Variants in TUSC3 observed in about 807,000 individuals in gnomAD.
TUSC3 encodes the protein dolichyl-diphosphooligosaccharide--protein glycosyltransferase subunit TUSC3.
TUSC3 carries 45 observed loss-of-function variants against 44.8 expected under a neutral mutation model. That is an observed-to-expected ratio of 1.00 (90% CI 0.79 to 1.29). TUSC3 has a LOEUF of 1.29. TUSC3 is among the 50% of genes most tolerant of loss of function. The pLI is 0.00. For missense variants in TUSC3, 519 were observed against 437.9 expected, an observed-to-expected ratio of 1.19 and a Z score of -1.65; for synonymous variants, 212 against 152.9, an observed-to-expected ratio of 1.39 and a Z score of -2.85.
chr8:15,592,177 G>A (rs112657577), intron 1 of TUSC3, among the ~76,000 whole-genome samples: 42 of 152,252 alleles, frequency 2.8e-4, no homozygotes, highest in Admixed American at 7.2e-4. Context: ...AGTAAAATGC[G>A]AAAAAGTGGA....
chr8:15,747,735 A>G (rs1585298264), intron 8 of TUSC3, among the ~76,000 whole-genome samples: 1 of 152,080 alleles, frequency 6.6e-6, no homozygotes, highest in Non-Finnish European at 1.5e-5. Flanking sequence ...CGACTATAAC[A>G]TATGTCCTCA....
chr8:15,712,970 C>T (rs1013501478), intron 6 of TUSC3, among the ~76,000 whole-genome samples: 10 of 152,074 alleles, frequency 6.6e-5, no homozygotes, highest in African/African-American at 2.4e-4. Flanking sequence ...CAGTTATTTC[C>T]ATGCTGTTAA....
At chr8:15,807,553 A>C in the TUSC3 span, among the ~76,000 whole-genome samples, 1 of 152,156 alleles carries the variant, frequency 6.6e-6, no homozygotes, top group Non-Finnish European at 1.5e-5. Context: ...TCGTTCTCCC[A>C]AAAAGACATA....
intron 1 of TUSC3, among the ~76,000 whole-genome samples, chr8:15,577,481 GT>G (rs1430672458): frequency 2.6e-5 from 4 of 151,136 alleles, no homozygotes. Flanking sequence ...ATCTTGAATT[GT>G]TTTTTGTATA....
the TUSC3 span, among the ~76,000 whole-genome samples, chr8:15,849,010 A>G: frequency 6.6e-6 from 1 of 152,130 alleles, no homozygotes. Context: ...TATCCCTCAC[A>G]TGCCCAGAAT....
intron 1 of TUSC3, among the ~76,000 whole-genome samples, chr8:15,439,221 G>C (rs73665409): frequency 0.068 from 10,381 of 152,268 alleles, 357 homozygotes; most frequent in East Asian, 0.15. Flanking sequence ...AGGAAACCCA[G>C]TGATGCAGTC....
chr8:15,640,544 T>G (rs1279329592), intron 2 of TUSC3, among the ~76,000 whole-genome samples: 1 of 152,216 alleles, frequency 6.6e-6, no homozygotes, highest in African/African-American at 2.4e-5. Context: ...TTAATATTCA[T>G]TTTAGTTTTT....
chr8:15,668,474 A>C (rs1354944103), intron 5 of TUSC3, among the ~76,000 whole-genome samples: 1 of 151,780 alleles, frequency 6.6e-6, no homozygotes, highest in Non-Finnish European at 1.5e-5. Context: ...AACCATGTGG[A>C]GATACAAAGA....
intron 1 of TUSC3, among the ~76,000 whole-genome samples, chr8:15,575,152 G>T (rs549328598): frequency 7.7e-6 from 1 of 130,156 alleles, no homozygotes; most frequent in East Asian, 2.1e-4. Flanking sequence ...ATAATTTTGC[G>T]ATAGATGTAT....
intron 2 of TUSC3, among the ~76,000 whole-genome samples, chr8:15,508,856 G>A (rs1422897066): frequency 6.6e-6 from 1 of 152,222 alleles, no homozygotes; most frequent in African/African-American, 2.4e-5. Flanking sequence ...TACTCACTCT[G>A]TCAACAGCTT....
chr8:15,442,477 T>G (rs1185965940), intron 1 of TUSC3, among the ~76,000 whole-genome samples: 2 of 152,162 alleles, frequency 1.3e-5, no homozygotes, highest in Non-Finnish European at 2.9e-5. Flanking sequence ...TAATAAAGTT[T>G]TATTTAAAAA....
chr8:15,743,314 CCT>C, intron 7 of TUSC3: 1 of 541,574 alleles, frequency 1.8e-6, no homozygotes, highest in Non-Finnish European at 3.3e-6. Flanking sequence ...TTGGAATTAG[CCT>C]CTCAATATAT....
chr8:15,508,457 CTTTTTTTTTTTT>C (rs1200727081), intron 2 of TUSC3, among the ~76,000 whole-genome samples: 1 of 79,584 alleles, frequency 1.3e-5, no homozygotes, highest in Non-Finnish European at 2.2e-5. Flanking sequence ...TCGAAGCTTC[CTTTTTTTTTTTT>C]TTTTTTTTTT....
At chr8:15,799,268 C>A in the TUSC3 span, among the ~76,000 whole-genome samples, 1 of 152,142 alleles carries the variant, frequency 6.6e-6, no homozygotes, top group Non-Finnish European at 1.5e-5. Context: ...AGGGAACCAG[C>A]CAGCGCTCTA....
chr8:15,570,954 G>GTTTTTTTTTTTTTTTTTT (rs549277334), intron 1 of TUSC3, among the ~76,000 whole-genome samples: 1,489 of 44,406 alleles, frequency 0.034, 482 homozygotes, highest in East Asian at 0.059. Context: ...TTGCCTATTA[G>GTTTTTTTTTTTTTTTTTT]TTTTTTTTTT....
chr8:15,518,645 C>T (rs1417670148), intron 2 of TUSC3, among the ~76,000 whole-genome samples: 1 of 152,008 alleles, frequency 6.6e-6, no homozygotes. Context: ...TGCATATTTG[C>T]AGGAATGCCT....
At chr8:15,582,017 C>A (rs372510191) in intron 1 of TUSC3, among the ~76,000 whole-genome samples, 3 of 151,986 alleles carry the variant, frequency 2.0e-5, no homozygotes, top group Admixed American at 2.0e-4. Flanking sequence ...TGTGGTGCGC[C>A]GCTTTTTAAG....
At chr8:15,511,800 G>C (rs1424764808) in intron 2 of TUSC3, among the ~76,000 whole-genome samples, 1 of 152,116 alleles carries the variant, frequency 6.6e-6, no homozygotes, top group African/African-American at 2.4e-5. Context: ...GAACCTGGGA[G>C]GCGAACATTG....
intron 6 of TUSC3, among the ~76,000 whole-genome samples, chr8:15,713,066 T>C (rs1426101485): frequency 6.6e-6 from 1 of 152,208 alleles, no homozygotes; most frequent in African/African-American, 2.4e-5. Flanking sequence ...ATATTTTTGC[T>C]TTTCTTTAAA....
Sources: gnomAD v4.1 joint callset for allele counts (sites outside exome capture counted in the v4.1 genomes callset) on GRCh38, gnomAD v4.1.1 for gene constraint, MANE v1.5 for transcripts, NCBI Gene and HGNC (gene_info 2026-07-23, HGNC 2026-07-21) for gene names.